The following VPS9D1 variants were observed in gnomAD, a reference collection of about 807,000 sequenced individuals.
The protein encoded by VPS9D1 is VPS9 domain containing 1.
Under a neutral mutation model 75.8 loss-of-function variants are expected in VPS9D1, and 78 were observed. That is an observed-to-expected ratio of 1.03 (90% CI 0.86 to 1.24). The LOEUF (loss-of-function observed/expected upper bound fraction) is 1.24. Among genes scored for constraint, VPS9D1 ranks in the 50% most tolerant of loss-of-function variants. The pLI, the probability that VPS9D1 is intolerant of heterozygous loss-of-function variation, is 0.00. For missense variants in VPS9D1, 1,057 were observed against 847.7 expected (o/e 1.25, Z -3.07); for synonymous variants, 481 against 385.6 (o/e 1.25, Z -2.90).
chr16:89,717,050 C>G (rs557430760), intron 2 of VPS9D1: 1 of 325,516 alleles, frequency 3.1e-6, no homozygotes, highest in African/African-American at 3.6e-5. Context: ...CGTCCCCCAA[C>G]TGACTGACCC....
chr16:89,712,077 C>T lies in VPS9D1; in HGVS notation c.629G>A (p.Arg210His), dbSNP rs1397742781. The stretch of plus-strand genomic sequence containing the variant: ...GGCGGCCTCCTGGAGCCGCAGCCGG[C>T]GCTCCTCCATCTTTCTCTGGAGCTG... ...EETLQRKMEE[R>H]RLRLQEAANR... The change falls in exon 7 of 15, where the codon CGC (arginine) becomes CAC (histidine). Residue 210 changes from arginine to histidine, a missense_variant. Coordinates refer to ENST00000389386, the MANE Select transcript of VPS9D1 (RefSeq NM_004913.3). 10 of 1,548,510 alleles carry T rather than the reference C, an allele frequency of 6.5e-6. No homozygotes were observed. The highest frequency in any genetic ancestry group is 8.7e-6 in the Non-Finnish European group (10 of 1,146,810).
chr16:89,712,075 G>C lies in VPS9D1; in HGVS notation c.631C>G (p.Arg211Gly). ...ETLQRKMEER[R>G]LRLQEAANRR... is the part of the protein sequence containing the mutation. ...TTGGCGGCCTCCTGGAGCCGCAGCC[G>C]GCGCTCCTCCATCTTTCTCTGGAGC... is the stretch of plus-strand genomic sequence containing the variant. Residue 211 changes from arginine (R) to glycine (G), a missense_variant, in exon 7 of 15, where the codon CGG becomes GGG. By Grantham distance (125) the Arg-to-Gly change is moderately radical (BLOSUM62 -2). Transcript: ENST00000389386. The C allele has an allele frequency of 1.9e-6, 3 of 1,548,482 alleles. No homozygotes were observed. Among genetic ancestry groups the C allele is most frequent in the Non-Finnish European group, 2.6e-6 (3 of 1,146,788 alleles).
At chr16:89,708,175 C>T (rs1170314720) in intron 14 of VPS9D1, among the ~76,000 whole-genome samples, 1 of 152,206 alleles carries the variant, frequency 6.6e-6, no homozygotes, top group Non-Finnish European at 1.5e-5. Context: ...TATCCCCTCC[C>T]CAGGCAGATG....
chr16:89,717,633 A>C (rs2151639411), intron 2 of VPS9D1: 3 of 448,900 alleles, frequency 6.7e-6, no homozygotes, highest in Admixed American at 2.4e-5. Flanking sequence ...TTAGCCCCCG[A>C]CTCCCCCCGG....
chr16:89,720,877 A>G lies in VPS9D1; in HGVS notation c.-16T>C. ...CAGCGGCCATGGCGCCGAGCGGGGG[A>G]GGCGGCGGCGGTAGCCGAGGGGCTG... On this transcript the variant is annotated 5_prime_UTR_variant, in exon 1 of 15. Transcript: ENST00000389386. 1 of 1,349,054 alleles carries G rather than the reference A, an allele frequency of 7.4e-7. No homozygotes were observed. Among genetic ancestry groups the G allele is most frequent in the Non-Finnish European group, 9.5e-7 (1 of 1,047,402 alleles). 83.6% of individuals were successfully genotyped at this position (1,349,054 alleles called of 1,614,324 possible). A position where few individuals can be genotyped will look rare whatever the true frequency, so the allele number is the denominator to read the frequency against.
At chr16:89,711,149 C>T in intron 9 of VPS9D1, 139 bp from the exon 10 acceptor site, 1 of 1,200,198 alleles carries the variant, frequency 8.3e-7, no homozygotes, top group East Asian at 2.6e-5. Context: ...GCCCCCCGCC[C>T]CCGCTGGGGA....
chr16:89,712,531 G>C lies in VPS9D1; in HGVS notation c.544-9C>G. ...CGCTGTAGAGAGAGGGTCTGGGGGG[G>C]GAGGAGGGAGTAAGGCCGACTCCCC... is the stretch of plus-strand genomic sequence containing the variant. On this transcript the variant is annotated splice_polypyrimidine_tract_variant and intron_variant, in intron 5 of 14. Coordinates refer to ENST00000389386, the MANE Select transcript of VPS9D1 (RefSeq NM_004913.3). The C allele has an allele frequency of 2.5e-6, 4 of 1,612,054 alleles. No individual in the cohort carries two copies. The highest frequency in any genetic ancestry group is 3.4e-6 in the Non-Finnish European group (4 of 1,179,730).
intron 1 of VPS9D1, among the ~76,000 whole-genome samples, chr16:89,720,002 A>G (rs1053044531): frequency 6.6e-6 from 1 of 152,236 alleles, no homozygotes; most frequent in Admixed American, 6.5e-5. Flanking sequence ...ACAGGCGTGA[A>G]CCACAGCGCC....
intron 4 of VPS9D1, among the ~76,000 whole-genome samples, chr16:89,715,209 C>T (rs11645903): frequency 0.96 from 144,803 of 150,658 alleles, 69,824 homozygotes; most frequent in East Asian, 1. Flanking sequence ...TATAACTCAT[C>T]CTTGTTCCCA....
At chr16:89,715,778 C>T (rs1489587178) in intron 4 of VPS9D1, among the ~76,000 whole-genome samples, 2 of 151,412 alleles carry the variant, frequency 1.3e-5, no homozygotes, top group South Asian at 2.1e-4. Context: ...CAGGATCAAG[C>T]GATTCTCCTG....
rs1195538619 is a variant in VPS9D1 at position 89,712,446 on chromosome 16, G to C, written c.606+14C>G. The C allele has an allele frequency of 1.4e-5, 23 of 1,612,594 alleles. No homozygotes were observed. Among genetic ancestry groups the C allele is most frequent in the Non-Finnish European group, 1.9e-5 (22 of 1,179,994 alleles). ...TTTCCCCTCGGGGACCACCAGGGCGGTCAGAAAGGCTGCTGTCTCCTCCCG... is the reference window on the plus strand; with the variant it reads ...TTTCCCCTCGGGGACCACCAGGGCGCTCAGAAAGGCTGCTGTCTCCTCCCG... On this transcript the variant is annotated intron_variant, in intron 6 of 14. Transcript: ENST00000389386.
chr16:89,708,395 A>G (rs1407001874), intron 14 of VPS9D1, 32 bp downstream of exon 14: 3 of 1,584,160 alleles, frequency 1.9e-6, no homozygotes, highest in Non-Finnish European at 2.6e-6. Flanking sequence ...CTCTTCGCAC[A>G]GAGACCCCCA....
intron 10 of VPS9D1, 75 bp downstream of exon 10, chr16:89,710,511 A>C: frequency 6.8e-7 from 1 of 1,480,076 alleles, no homozygotes; most frequent in East Asian, 2.3e-5. Context: ...CCCTTCCCCA[A>C]ACAGAAGCTT....
intron 8 of VPS9D1, 126 bp downstream of exon 8, chr16:89,711,756 G>C (rs1468381159): frequency 8.3e-7 from 1 of 1,199,842 alleles, no homozygotes. Context: ...CGGGCCTCTG[G>C]CCCCGCCCCC....
At chr16:89,712,357 G>T in intron 6 of VPS9D1, 103 bp downstream of exon 6, 2 of 1,537,522 alleles carry the variant, frequency 1.3e-6, no homozygotes, top group African/African-American at 1.4e-5. Context: ...CCTGTACCCC[G>T]ACCCCGGAAC....
In VPS9D1 at chr16:89,719,009, C is replaced by A; in HGVS notation, c.175+18G>T. 6.2e-7 allele frequency: 1 copy of A among 1,608,956 alleles called. No individual in the cohort carries two copies. The highest frequency in any genetic ancestry group is 1.3e-5 in the African/African-American group (1 of 74,998). Reference sequence around the variant, plus strand: ...GATTACAGGCGTGAGCCACCGCGCCCGGCTGGCTGAGCCGTACCTTTAGTG... The same window carrying A: ...GATTACAGGCGTGAGCCACCGCGCCAGGCTGGCTGAGCCGTACCTTTAGTG... On this transcript the variant is annotated intron_variant, in intron 2 of 14. Transcript: ENST00000389386.
chr16:89,711,651 C>T, intron 8 of VPS9D1: 1 of 666,728 alleles, frequency 1.5e-6, no homozygotes, highest in East Asian at 2.8e-5. Flanking sequence ...ACCCTCCCTC[C>T]TCGCTGGGAC....
chr16:89,709,943 C>G, intron 10 of VPS9D1, 37 bp from the exon 11 acceptor site: 1 of 1,567,592 alleles, frequency 6.4e-7, no homozygotes, highest in South Asian at 1.2e-5. Flanking sequence ...CACAGAGGCT[C>G]CTCCCCTGCT....
chr16:89,709,077 T>C, intron 12 of VPS9D1, 121 bp from the exon 13 acceptor site: 2 of 1,207,854 alleles, frequency 1.7e-6, no homozygotes, highest in Non-Finnish European at 2.2e-6. Flanking sequence ...ACGGTGACCC[T>C]GGCGATGTTG....
Sources: gnomAD v4.1 joint callset for allele counts (sites outside exome capture counted in the v4.1 genomes callset) on GRCh38, gnomAD v4.1.1 for gene constraint, MANE v1.5 for transcripts, NCBI Gene and HGNC (gene_info 2026-07-23, HGNC 2026-07-21) for gene names.